Variants in ARHGEF3 observed in about 807,000 individuals in gnomAD.
The protein encoded by ARHGEF3 is 59.8 kDA protein.
A neutral mutation model predicts 63.2 loss-of-function variants in ARHGEF3; 28 were observed. That is an observed-to-expected ratio of 0.44 (90% CI 0.33 to 0.61). The LOEUF is 0.61. Among genes scored for constraint, ARHGEF3 ranks in the 20% least tolerant of loss-of-function variants. ARHGEF3 has a pLI of 0.03. For missense variants in ARHGEF3, 533 were observed against 659.3 expected (o/e 0.81, Z 2.10); for synonymous variants, 266 against 254.2 (o/e 1.05, Z -0.44).
At chr3:56,794,413 G>A (rs1425537195) in intron 1 of ARHGEF3, among the ~76,000 whole-genome samples, 3 of 150,444 alleles carry the variant, frequency 2.0e-5, no homozygotes, top group East Asian at 3.9e-4. Context: ...GCTTGAACCC[G>A]GGAGGCAGAG....
At chr3:56,799,571 T>C (rs1247241119) in intron 1 of ARHGEF3, among the ~76,000 whole-genome samples, 1 of 152,224 alleles carries the variant, frequency 6.6e-6, no homozygotes, top group Non-Finnish European at 1.5e-5. Context: ...TAATCATGTT[T>C]TTCAAAAGGC....
intron 1 of ARHGEF3, among the ~76,000 whole-genome samples, chr3:56,774,337 T>C (rs888216088): frequency 1.3e-5 from 2 of 152,142 alleles, no homozygotes; most frequent in Non-Finnish European, 2.9e-5. Context: ...GTTCTATTAC[T>C]GGGCTCTTAA....
chr3:56,944,058 C>T (rs11709972), intron 3 of ARHGEF3, among the ~76,000 whole-genome samples: 17,493 of 151,982 alleles, frequency 0.12, 1,243 homozygotes, highest in East Asian at 0.25. Flanking sequence ...CGCCTATAAT[C>T]CCAGCTACTC....
Position 56,745,282 on chromosome 3 carries a change from T to C in ARHGEF3, c.793A>G (p.Lys265Glu), listed in dbSNP as rs199688238. 1 of 1,614,020 alleles carries C rather than the reference T, an allele frequency of 6.2e-7. No homozygotes were observed. Residue 265 changes from lysine to glutamate, a missense_variant, in exon 7 of 10, where the codon AAA (lysine) becomes GAA (glutamate). Lys to Glu is a moderately conservative substitution (Grantham distance 56). Around this residue, in one of 4 missense-constraint regions of ARHGEF3, gnomAD observed 107 missense variants for 207.9 expected, o/e 0.51. Transcript: ENST00000296315. Reference sequence around the variant, plus strand: ...ATTTCTCGGAGAAGCAGAGGGTATTTTACCAGGCGGCTTCTTGGAATATCG... The same window carrying C: ...ATTTCTCGGAGAAGCAGAGGGTATTCTACCAGGCGGCTTCTTGGAATATCG... ...FLDIPRSRLV[K>E]YPLLLREILR...
chr3:56,974,422 G>A (rs1418747461), intron 2 of ARHGEF3, among the ~76,000 whole-genome samples: 3 of 152,080 alleles, frequency 2.0e-5, no homozygotes, highest in Non-Finnish European at 4.4e-5. Context: ...ACCTCATTTG[G>A]CATTCTCATC....
chr3:57,045,975 G>C (rs1704435256), intron 1 of ARHGEF3, among the ~76,000 whole-genome samples: 1 of 152,108 alleles, frequency 6.6e-6, no homozygotes, highest in African/African-American at 2.4e-5. Flanking sequence ...TTACTTGCAA[G>C]GACAAATGCT....
intron 1 of ARHGEF3, among the ~76,000 whole-genome samples, chr3:56,777,732 T>C (rs967201208): frequency 1.3e-5 from 2 of 152,160 alleles, no homozygotes; most frequent in Admixed American, 1.3e-4. Flanking sequence ...ATATCATCTA[T>C]GTCATGTCTG....
rs539154523 is a variant in ARHGEF3, at chr3:56,775,087, C to T, written c.97-1271G>A. 5.5e-5 allele frequency: 86 copies of T among 1,551,216 alleles called. No homozygotes were observed. The East Asian group carries it at 1.9e-3, about 34-fold the overall frequency. On this transcript the variant is annotated intron_variant, in intron 1 of 9. Transcript: ENST00000296315. ...ATTTTGATGGGCAAAGCCAAAGTAGCCAATTGTGGTGGCAAACCTCAATCA... is the reference window on the plus strand; with the variant it reads ...ATTTTGATGGGCAAAGCCAAAGTAGTCAATTGTGGTGGCAAACCTCAATCA...
At chr3:56,996,894 T>TATTATTA (rs201057893) in intron 2 of ARHGEF3, among the ~76,000 whole-genome samples, 7,499 of 147,186 alleles carry the variant, frequency 0.051, 284 homozygotes, top group South Asian at 0.097. Context: ...ATTATTATTT[T>TATTATTA]TTTTTTTTTT....
intron 4 of ARHGEF3, among the ~76,000 whole-genome samples, chr3:56,808,049 G>C (rs2037927899): frequency 6.6e-6 from 1 of 151,824 alleles, no homozygotes; most frequent in Middle Eastern, 3.2e-3. Flanking sequence ...ACTTGAACCT[G>C]GGAGGCAGAG....
intron 3 of ARHGEF3, among the ~76,000 whole-genome samples, chr3:56,917,397 C>T (rs1393080958): frequency 6.6e-6 from 1 of 152,314 alleles, no homozygotes; most frequent in South Asian, 2.1e-4. Context: ...CCCAGGGTTT[C>T]CTGGGGCCTT....
chr3:56,929,920 C>A (rs72870579), intron 3 of ARHGEF3, among the ~76,000 whole-genome samples: 3 of 152,110 alleles, frequency 2.0e-5, no homozygotes, highest in Non-Finnish European at 2.9e-5. Context: ...AAACCTGAAG[C>A]CCCAAAGGAC....
At chr3:56,802,274 G>C (rs1162685802), upstream of ARHGEF3, among the ~76,000 whole-genome samples, 1 of 152,206 alleles carries the variant, frequency 6.6e-6, no homozygotes, top group Non-Finnish European at 1.5e-5. Context: ...GGCGAAACCG[G>C]GCAACGGGGA....
At chr3:57,014,234 C>T (rs996820140) in intron 2 of ARHGEF3, among the ~76,000 whole-genome samples, 1 of 152,196 alleles carries the variant, frequency 6.6e-6, no homozygotes, top group Non-Finnish European at 1.5e-5. Context: ...TCCGAAGGAA[C>T]AAACTCCGGA....
At chr3:57,022,005 T>G (rs1383379913) in intron 2 of ARHGEF3, among the ~76,000 whole-genome samples, 1 of 152,152 alleles carries the variant, frequency 6.6e-6, no homozygotes, top group African/African-American at 2.4e-5. Flanking sequence ...ACATGGTGGC[T>G]CAAGCCTGCA....
At chr3:57,066,893 A>G (rs988690115) in intron 1 of ARHGEF3, among the ~76,000 whole-genome samples, 6 of 152,070 alleles carry the variant, frequency 3.9e-5, no homozygotes, top group Non-Finnish European at 8.8e-5. Context: ...CTGCCAGTCT[A>G]CCTTGCTGAT....
chr3:56,762,474 T>G (rs1344369487), intron 2 of ARHGEF3, among the ~76,000 whole-genome samples: 3 of 151,594 alleles, frequency 2.0e-5, no homozygotes, highest in Non-Finnish European at 4.4e-5. Flanking sequence ...CAAAACAGAC[T>G]GTCTGCCGGG....
intron 1 of ARHGEF3, among the ~76,000 whole-genome samples, chr3:57,054,856 G>A (rs895772622): frequency 4.6e-5 from 7 of 151,444 alleles, no homozygotes; most frequent in African/African-American, 1.2e-4. Context: ...TCACCATGTT[G>A]GCCAGTATGA....
intron 2 of ARHGEF3, among the ~76,000 whole-genome samples, chr3:57,002,483 A>ATATATATATGT (rs1702256305): frequency 2.5e-5 from 1 of 40,684 alleles, no homozygotes; most frequent in African/African-American, 1.1e-4. Context: ...TATATGTTAT[A>ATATATATATGT]TATATATATA....
Sources: allele counts gnomAD v4.1 joint callset (sites outside exome capture counted in the v4.1 genomes callset), GRCh38; gene constraint gnomAD v4.1.1; regional missense constraint gnomAD v4.1.1; transcripts MANE v1.5; gene names NCBI Gene and HGNC (gene_info 2026-07-23, HGNC 2026-07-21).